Variants in TANGO6 observed in about 807,000 individuals in gnomAD.
TANGO6 encodes the protein transport and golgi organization 6 homolog.
TANGO6 carries 90 observed loss-of-function variants against 114.2 expected under a neutral mutation model. The observed-to-expected ratio is 0.79, with a 90% CI of 0.66 to 0.94. The LOEUF (loss-of-function observed/expected upper bound fraction) is 0.94. Among genes scored for constraint, TANGO6 ranks in the 40% least tolerant of loss-of-function variants. The pLI is 0.00. For synonymous variants in TANGO6, 477 were observed against 509.8 expected (o/e 0.94, Z 0.87); for missense variants, 1,274 against 1,315.3 (o/e 0.97, Z 0.49).
At chr16:68,995,916 T>G (rs1963985509) in intron 15 of TANGO6, among the ~76,000 whole-genome samples, 1 of 152,244 alleles carries the variant, frequency 6.6e-6, no homozygotes, top group South Asian at 2.1e-4. Context: ...GGGTTAATAA[T>G]ATTTTGTTCT....
intron 1 of TANGO6, among the ~76,000 whole-genome samples, chr16:68,859,539 G>A (rs1277090743): frequency 6.6e-6 from 1 of 152,156 alleles, no homozygotes; most frequent in Non-Finnish European, 1.5e-5. Context: ...CATGTTCTAT[G>A]GTAAATGTTC....
At chr16:68,918,274 T>C (rs1385423874) in intron 11 of TANGO6, among the ~76,000 whole-genome samples, 1 of 152,214 alleles carries the variant, frequency 6.6e-6, no homozygotes, top group African/African-American at 2.4e-5. Context: ...CTTGTCAGAC[T>C]GTTGTGGATG....
chr16:68,904,255 C>T (rs993455088), intron 9 of TANGO6, among the ~76,000 whole-genome samples: 3 of 152,078 alleles, frequency 2.0e-5, no homozygotes, highest in Non-Finnish European at 2.9e-5. Context: ...TACAGGTGCG[C>T]GCCACCATGC....
intron 11 of TANGO6, among the ~76,000 whole-genome samples, chr16:68,914,191 T>C (rs8055800): frequency 0.94 from 143,081 of 152,300 alleles, 67,323 homozygotes; most frequent in East Asian, 1. Context: ...GACAGAGTTT[T>C]GCTCTTGTTG....
At chr16:68,927,507 C>A in intron 12 of TANGO6, 61 bp from the exon 13 acceptor site, 2 of 1,550,258 alleles carry the variant, frequency 1.3e-6, no homozygotes, top group Non-Finnish European at 1.8e-6. Flanking sequence ...TCCTGGTGCT[C>A]AGGTCATATT....
intron 7 of TANGO6, 89 bp downstream of exon 7, chr16:68,880,719 C>T: frequency 1.2e-6 from 1 of 856,314 alleles, no homozygotes; most frequent in Non-Finnish European, 1.7e-6. Flanking sequence ...ATGGTGGGGT[C>T]TCACCACGTT....
At chr16:69,062,706 C>T (rs1960140015) in intron 17 of TANGO6, among the ~76,000 whole-genome samples, 1 of 149,612 alleles carries the variant, frequency 6.7e-6, no homozygotes, top group African/African-American at 2.5e-5. Flanking sequence ...CCACTGACCT[C>T]GCGTGATCCA....
intron 12 of TANGO6, 82 bp from the exon 13 acceptor site, chr16:68,927,486 C>A: frequency 6.8e-7 from 1 of 1,472,628 alleles, no homozygotes; most frequent in Non-Finnish European, 9.2e-7. Flanking sequence ...CCTTTTTTCT[C>A]AGAATATGTT....
Position 69,023,740 on chromosome 16 carries a change from C to CA in TANGO6, c.2994+770dup, listed in dbSNP as rs1219408431. Among the ~76,000 whole-genome samples, 79 of 147,810 alleles carry CA rather than the reference C, an allele frequency of 5.3e-4. 1 individual carries two copies. Among genetic ancestry groups the CA allele is most frequent in the Admixed American group, 3.5e-3 (52 of 14,776 alleles). On this transcript the variant is annotated intron_variant, in intron 16 of 17. Coordinates refer to ENST00000261778, the MANE Select transcript of TANGO6 (RefSeq NM_024562.2). ...TATTCAGGGGGATGGTGTTGTTTAC[C>CA]AAAAAAAAACGCTTAAGTTCCATAT...
chr16:68,904,724 G>T (rs370627241), intron 9 of TANGO6, among the ~76,000 whole-genome samples: 2 of 152,126 alleles, frequency 1.3e-5, no homozygotes, highest in South Asian at 4.1e-4. Context: ...CTTATTTTCT[G>T]TTCACATTAT....
chr16:68,979,054 G>A (rs1262309756), intron 15 of TANGO6, among the ~76,000 whole-genome samples: 6 of 151,116 alleles, frequency 4.0e-5, no homozygotes, highest in African/African-American at 1.5e-4. Flanking sequence ...CAAGTAGCTA[G>A]GACCACAGGT....
At chr16:68,900,844 G>A (rs933773760) in intron 8 of TANGO6, among the ~76,000 whole-genome samples, 6 of 152,150 alleles carry the variant, frequency 3.9e-5, no homozygotes, top group African/African-American at 1.4e-4. Context: ...GAGAAATACT[G>A]CAATTACATG....
intron 9 of TANGO6, among the ~76,000 whole-genome samples, chr16:68,905,330 G>GT (rs1322132475): frequency 6.6e-6 from 1 of 152,002 alleles, no homozygotes; most frequent in African/African-American, 2.4e-5. Context: ...GAGGTCAGGA[G>GT]TTTGAGACCA....
chr16:68,880,609 A>C lies in TANGO6; in HGVS notation c.1356A>C (p.Arg452Ser). The C allele has an allele frequency of 6.2e-7, 1 of 1,612,258 alleles. No individual in the cohort carries two copies. The highest frequency in any genetic ancestry group is 8.5e-7 in the Non-Finnish European group (1 of 1,179,034). The change falls in exon 7 of 18, where the codon AGA becomes AGC. Residue 452 changes from arginine (R) to serine (S), a missense_variant. Arg to Ser is a moderately radical substitution (Grantham distance 110, BLOSUM62 -1). This residue lies in a region of TANGO6 where 908 missense variants were observed against 910.2 expected (regional missense o/e 1.00). Transcript: ENST00000261778. ...TILVTEEELS[R>S]CIEDVFKVYV... Reference sequence around the variant, plus strand: ...TGGTGACAGAAGAAGAACTTAGTAGATGCATTGAGGATGTGTTTAAGGTTG... The same window carrying C: ...TGGTGACAGAAGAAGAACTTAGTAGCTGCATTGAGGATGTGTTTAAGGTTG...
chr16:68,879,326 T>G (rs539153363), intron 6 of TANGO6, among the ~76,000 whole-genome samples: 7 of 149,696 alleles, frequency 4.7e-5, no homozygotes, highest in African/African-American at 1.7e-4. Context: ...TAGAAAAAAT[T>G]TTAAAAATTA....
chr16:68,852,068 T>A (rs1398134824), intron 1 of TANGO6, among the ~76,000 whole-genome samples: 1 of 152,210 alleles, frequency 6.6e-6, no homozygotes, highest in Non-Finnish European at 1.5e-5. Flanking sequence ...ATTTAATGGC[T>A]ACAAAATATT....
At chr16:68,945,697 T>G (rs1188396443) in intron 14 of TANGO6, among the ~76,000 whole-genome samples, 1 of 152,186 alleles carries the variant, frequency 6.6e-6, no homozygotes, top group Non-Finnish European at 1.5e-5. Flanking sequence ...TTGCCTTTTT[T>G]TTTTTTGAGA....
At chr16:69,081,669 C>T (rs541701651) in intron 17 of TANGO6, among the ~76,000 whole-genome samples, 1 of 152,030 alleles carries the variant, frequency 6.6e-6, no homozygotes, top group Admixed American at 6.6e-5. Flanking sequence ...TTCCCTGTTC[C>T]GTTGAAACCT....
intron 17 of TANGO6, among the ~76,000 whole-genome samples, chr16:69,050,563 C>T (rs923591169): frequency 2.6e-5 from 4 of 151,334 alleles, no homozygotes; most frequent in African/African-American, 9.7e-5. Flanking sequence ...GATCTCAGCT[C>T]ACTGCAACCT....
Sources: allele counts gnomAD v4.1 joint callset (sites outside exome capture counted in the v4.1 genomes callset), GRCh38; gene constraint gnomAD v4.1.1; regional missense constraint gnomAD v4.1.1; transcripts MANE v1.5; gene names NCBI Gene and HGNC (gene_info 2026-07-23, HGNC 2026-07-21).